The following IL17RC variants were observed in gnomAD, a reference collection of about 807,000 sequenced individuals.
IL17RC encodes the protein interleukin 17 receptor C.
Under a neutral mutation model 86.7 loss-of-function variants are expected in IL17RC, and 53 were observed. That is an observed-to-expected ratio of 0.61 (90% CI 0.49 to 0.77). The LOEUF (loss-of-function observed/expected upper bound fraction) is 0.77. Among genes scored for constraint, IL17RC ranks in the 30% least tolerant of loss-of-function variants. IL17RC has a pLI of 0.00. For missense variants in IL17RC, 957 were observed against 940.0 expected (o/e 1.02, Z -0.24); for synonymous variants, 439 against 413.1 (o/e 1.06, Z -0.76).
intron 7 of IL17RC, among the ~76,000 whole-genome samples, chr3:9,923,200 AAGAG>A (rs1233024910): frequency 6.7e-6 from 1 of 149,954 alleles, no homozygotes; most frequent in Non-Finnish European, 1.5e-5. Flanking sequence ...GGAAAAAAAA[AAGAG>A]AGAGAAACAG....
chr3:9,928,260 AG>A, intron 10 of IL17RC, 40 bp downstream of exon 10: 1 of 1,613,846 alleles, frequency 6.2e-7, no homozygotes, highest in Non-Finnish European at 8.5e-7. Flanking sequence ...GGGTGTTGCG[AG>A]CGATGGGTAC....
chr3:9,932,895 C>A (rs778786376), intron 18 of IL17RC, 37 bp downstream of exon 18: 8 of 1,593,648 alleles, frequency 5.0e-6, no homozygotes, highest in Non-Finnish European at 6.8e-6. Flanking sequence ...GGGCCGCCCC[C>A]GGGGAGCCAG....
intron 8 of IL17RC, 105 bp downstream of exon 8, chr3:9,924,125 C>G: frequency 6.2e-7 from 1 of 1,608,808 alleles, no homozygotes; most frequent in South Asian, 1.1e-5. Context: ...TCACCCCAAG[C>G]AAGGGAAAAT....
chr3:9,931,468 C>CATATATATATATATAT (rs1164461805), intron 16 of IL17RC, among the ~76,000 whole-genome samples: 16 of 17,898 alleles, frequency 8.9e-4, no homozygotes, highest in South Asian at 5.6e-3. Flanking sequence ...CACACACACA[C>CATATATATATATATAT]ACATATATAT....
In IL17RC at chr3:9,933,200, C is replaced by G. The variant is rs746284818; in HGVS notation, c.1770C>G (p.Ser590Arg). Residue 590 changes from serine to arginine, a missense_variant, in exon 19 of 19, where the codon AGC (serine) becomes AGG (arginine). By Grantham distance (110) the Ser-to-Arg change is moderately radical. Coordinates refer to ENST00000403601, the MANE Select transcript of IL17RC (RefSeq NM_153460.4). ...CTCCCGGTGCGGTGGCGCTGTGCAG[C>G]GAGTGGCTACAGGATGGGGTGTCCG... ...LFSPGAVALCSEWLQDGVSGP... is the reference protein window; with the variant it reads ...LFSPGAVALCREWLQDGVSGP... The G allele has an allele frequency of 4.4e-6, 7 of 1,608,144 alleles. No individual in the cohort carries two copies. The Middle Eastern group carries it at 5.0e-4, about 116-fold the overall frequency.
rs781177296 is a variant in IL17RC, at chr3:9,923,911, G to A, written c.653G>A (p.Gly218Asp). The change falls in exon 8 of 19, where the codon GGT becomes GAT. Residue 218 changes from glycine to aspartate, a missense_variant. Gly to Asp is a moderately conservative substitution (Grantham distance 94). Transcript: ENST00000403601. ...CCCTGGCTCAACGTGTCAGCAGATG[G>A]TGACAACGTGCATCTGGTTCTGAAT... ...ALPWLNVSAD[G>D]DNVHLVLNVS... The A allele has an allele frequency of 6.2e-7, 1 of 1,614,168 alleles. No homozygotes were observed.
At chr3:9,921,283 C>T (rs367998104) in intron 7 of IL17RC, among the ~76,000 whole-genome samples, 34 of 152,102 alleles carry the variant, frequency 2.2e-4, no homozygotes, top group African/African-American at 7.5e-4. Context: ...GGCAAATCCC[C>T]GTCTCTACCA....
At position 9,917,905 on chromosome 3, in the gene IL17RC, C is replaced by G; in HGVS notation, c.128-18C>G. 6.2e-7 allele frequency: 1 copy of G among 1,612,944 alleles called. No homozygotes were observed. Among genetic ancestry groups the G allele is most frequent in the Non-Finnish European group, 8.5e-7 (1 of 1,180,008 alleles). On this transcript the variant is annotated intron_variant, in intron 2 of 18. Coordinates refer to ENST00000403601, the MANE Select transcript of IL17RC (RefSeq NM_153460.4). ...GGCTTGGAACAGCTTCAGCTCCCAC[C>G]CGCTCCTCCACACACAGACAGTGAC...
intron 8 of IL17RC, 30 bp from the exon 9 acceptor site, chr3:9,924,202 T>A: frequency 6.2e-6 from 10 of 1,613,768 alleles, no homozygotes; most frequent in Non-Finnish European, 8.5e-6. Context: ...CCTTATCTTC[T>A]CCAACCTCCT....
chr3:9,921,031 C>G, intron 7 of IL17RC, 62 bp downstream of exon 7: 2 of 1,090,206 alleles, frequency 1.8e-6, no homozygotes, highest in Non-Finnish European at 2.6e-6. Context: ...ATAAGAAACC[C>G]TTGGAGTCCA....
intron 16 of IL17RC, among the ~76,000 whole-genome samples, chr3:9,931,486 T>C (rs1432484993): frequency 0.048 from 6,244 of 130,084 alleles, 631 homozygotes; most frequent in African/African-American, 0.2. Context: ...TATATATATA[T>C]ATATATATAT....
Position 9,930,964 on chromosome 3 carries a change from C to A in IL17RC, c.1387+21C>A. On this transcript the variant is annotated intron_variant, in intron 16 of 18. Transcript: ENST00000403601. The surrounding 1 kb of genome is among the most constrained non-coding windows in gnomAD (Gnocchi z 5.8). ...CAAATGTGAGTATTGTAAGAACTGC[C>A]TTTCCTTTCTGTACCAGGAGTGGGG... is the stretch of plus-strand genomic sequence containing the variant. The A allele has an allele frequency of 6.2e-7, 1 of 1,607,296 alleles. No homozygotes were observed. The highest frequency in any genetic ancestry group is 8.5e-7 in the Non-Finnish European group (1 of 1,173,774).
Position 9,933,006 on chromosome 3 carries a change from T to G in IL17RC, c.1576T>G (p.Phe526Val), listed in dbSNP as rs775057986. 1 of 1,570,184 alleles carries G rather than the reference T, an allele frequency of 6.4e-7. No individual in the cohort carries two copies. Among genetic ancestry groups the G allele is most frequent in the Non-Finnish European group, 8.6e-7 (1 of 1,166,084 alleles). The change falls in exon 19 of 19, where the codon TTC becomes GTC. Residue 526 changes from phenylalanine (F) to valine (V), a missense_variant. Phe to Val is a conservative substitution (Grantham distance 50). Coordinates refer to ENST00000403601, the MANE Select transcript of IL17RC (RefSeq NM_153460.4). Reference protein sequence around the residue: ...LLLYSADDSGFERLVGALASA... With the variant: ...LLLYSADDSGVERLVGALASA... ...CCTCTACTCAGCCGATGACTCGGGTTTCGAGCGCCTGGTGGGCGCCCTGGC... is the reference window on the plus strand; with the variant it reads ...CCTCTACTCAGCCGATGACTCGGGTGTCGAGCGCCTGGTGGGCGCCCTGGC...
Position 9,929,862 on chromosome 3 carries a change from C to T in IL17RC, c.1121C>T (p.Ser374Leu), listed in dbSNP as rs140836340. ...HPNLCVQVNS[S>L]EKLQLQECLW... ...GTCTCTTCCCAGCAGGTGAACAGCT[C>T]GGAGAAGCTGCAGCTGCAGGAGTGC... The change falls in exon 13 of 19, where the codon TCG becomes TTG. Residue 374 changes from serine to leucine, a missense_variant. Ser to Leu is a moderately radical substitution (Grantham distance 145). Transcript: ENST00000403601. 147 of 1,614,104 alleles carry T rather than the reference C, an allele frequency of 9.1e-5. No homozygotes were observed. In the African/African-American group the frequency reaches 1.2e-3, roughly 13 times the overall value.
At chr3:9,918,112 G>A (rs762765652) in intron 3 of IL17RC, 37 bp downstream of exon 3, 46 of 1,547,410 alleles carry the variant, frequency 3.0e-5, no homozygotes, top group East Asian at 2.4e-5. Flanking sequence ...ATGTGTACAC[G>A]TGAGTGTGTC....
rs1211183523 is a variant in IL17RC at position 9,921,271 on chromosome 3, A to AT, written c.622+303dup. Among the ~76,000 whole-genome samples the AT allele has an allele frequency of 4.6e-5, 7 of 152,284 alleles. No homozygotes were observed. The East Asian group carries it at 1.4e-3, about 29-fold the overall frequency. On this transcript the variant is annotated intron_variant, in intron 7 of 18. Transcript: ENST00000403601. ...AAAGTTCAAGACGAGCCTGGGCAACATGGCAAATCCCCGTCTCTACCAAAA... is the reference window on the plus strand; with the variant it reads ...AAAGTTCAAGACGAGCCTGGGCAACATTGGCAAATCCCCGTCTCTACCAAAA...
At chr3:9,920,860 A>G in intron 6 of IL17RC, 65 bp from the exon 7 acceptor site, 1 of 1,488,712 alleles carries the variant, frequency 6.7e-7, no homozygotes. Context: ...CTGGGAGCCA[A>G]ATTGCCCCCA....
At chr3:9,924,912 C>G (rs1471338536) in intron 9 of IL17RC, among the ~76,000 whole-genome samples, 1 of 152,220 alleles carries the variant, frequency 6.6e-6, no homozygotes, top group Non-Finnish European at 1.5e-5. Context: ...AGTGATCCTC[C>G]TGTCTCAGCC....
chr3:9,919,510 GTGGTGGGCGCC>G (rs887133571), intron 5 of IL17RC, among the ~76,000 whole-genome samples: 5 of 152,194 alleles, frequency 3.3e-5, no homozygotes, highest in Admixed American at 3.3e-4. Flanking sequence ...GCCAGGCATG[GTGGTGGGCGCC>G]TGTAGACCCA....
Sources: gnomAD v4.1 joint callset for allele counts (sites outside exome capture counted in the v4.1 genomes callset) on GRCh38, gnomAD v4.1.1 for gene constraint, Gnocchi (gnomAD v3.1) non-coding constraint, MANE v1.5 for transcripts, NCBI Gene and HGNC (gene_info 2026-07-23, HGNC 2026-07-21) for gene names.